The following NRG1 variants were observed in gnomAD, a reference collection of about 807,000 sequenced individuals.
The protein encoded by NRG1 is neuregulin 1, also known as pro-neuregulin-1, membrane-bound isoform.
NRG1 carries 18 observed loss-of-function variants against 63.8 expected under a neutral mutation model. That is an observed-to-expected ratio of 0.28 (90% CI 0.19 to 0.42). The LOEUF is 0.42. Among genes scored for constraint, NRG1 ranks in the 10% least tolerant of loss-of-function variants. The probability of loss-of-function intolerance (pLI) is 1.00; values close to 1 mark genes in which losing one functional copy is unlikely to be tolerated. For synonymous variants in NRG1, 302 were observed against 301.3 expected, an observed-to-expected ratio of 1.00 and a Z score of -0.02; for missense variants, 762 against 814.7, an observed-to-expected ratio of 0.94 and a Z score of 0.79.
chr8:32,173,366 G>A (rs913219829), intron 1 of NRG1, among the ~76,000 whole-genome samples: 11 of 152,174 alleles, frequency 7.2e-5, no homozygotes, highest in Admixed American at 2.0e-4. Flanking sequence ...GGAACAACCA[G>A]TACCAGCCAC....
intron 1 of NRG1, among the ~76,000 whole-genome samples, chr8:31,817,512 C>T (rs139510854): frequency 6.6e-6 from 1 of 152,098 alleles, no homozygotes; most frequent in African/African-American, 2.4e-5. Context: ...ATATGGAGAG[C>T]ATTTGCATTT....
chr8:32,144,568 A>G (rs1311166957), intron 1 of NRG1, among the ~76,000 whole-genome samples: 1 of 152,214 alleles, frequency 6.6e-6, no homozygotes, highest in Non-Finnish European at 1.5e-5. Flanking sequence ...TAATTCACCT[A>G]TCACTAGGCA....
intron 1 of NRG1, among the ~76,000 whole-genome samples, chr8:32,267,970 C>T (rs1851158632): frequency 6.6e-6 from 1 of 152,118 alleles, no homozygotes; most frequent in Non-Finnish European, 1.5e-5. Flanking sequence ...GTCAGCGGAC[C>T]TTTAACCTAG....
upstream of NRG1, among the ~76,000 whole-genome samples, chr8:32,546,797 C>T (rs1279400845): frequency 6.6e-6 from 1 of 152,162 alleles, no homozygotes; most frequent in Non-Finnish European, 1.5e-5. Context: ...TATGACAGTG[C>T]AAATTAAACT....
intron 5 of NRG1, among the ~76,000 whole-genome samples, chr8:32,674,159 T>G (rs1204902314): frequency 6.6e-6 from 1 of 152,210 alleles, no homozygotes; most frequent in Non-Finnish European, 1.5e-5. Flanking sequence ...ATCAATACAG[T>G]GCAGTTTTAT....
chr8:32,123,324 AT>A (rs1458145006), intron 1 of NRG1, among the ~76,000 whole-genome samples: 4 of 151,882 alleles, frequency 2.6e-5, no homozygotes, highest in African/African-American at 9.7e-5. Context: ...TGTTCTCATG[AT>A]AGTAAGTCTC....
chr8:32,093,093 A>G (rs1403775246), intron 1 of NRG1, among the ~76,000 whole-genome samples: 1 of 152,206 alleles, frequency 6.6e-6, no homozygotes, highest in African/African-American at 2.4e-5. Flanking sequence ...GTCTATGTAG[A>G]AAGAAGTAGA....
chr8:32,364,316 C>G lies in NRG1; in HGVS notation c.38-231512C>G, dbSNP rs1025814830. Among the ~76,000 whole-genome samples the G allele has an allele frequency of 6.6e-5, 10 of 151,890 alleles. No individual in the cohort carries two copies. The East Asian group carries it at 1.9e-3, about 29-fold the overall frequency. On this transcript the variant is annotated intron_variant, in intron 1 of 10. Coordinates refer to the NRG1 transcript ENST00000519301. Reference sequence around the variant, plus strand: ...TCTCCCTCTCCCCTTTTTCCTTGGGCACCTAGCTAGTTTTGTTTTAGTTTT... The same window carrying G: ...TCTCCCTCTCCCCTTTTTCCTTGGGGACCTAGCTAGTTTTGTTTTAGTTTT...
intron 1 of NRG1, among the ~76,000 whole-genome samples, chr8:31,818,425 C>G (rs575216227): frequency 6.6e-6 from 1 of 152,228 alleles, no homozygotes; most frequent in Non-Finnish European, 1.5e-5. Context: ...AGTCCCCAAC[C>G]TTTTTGGCAC....
intron 1 of NRG1, among the ~76,000 whole-genome samples, chr8:31,675,652 A>C (rs1807616124): frequency 6.6e-6 from 1 of 152,210 alleles, no homozygotes; most frequent in African/African-American, 2.4e-5. Flanking sequence ...ATCATTGTAC[A>C]TGAGAAACTT....
At chr8:32,163,454 AAC>A (rs1839063758) in intron 1 of NRG1, among the ~76,000 whole-genome samples, 1 of 152,272 alleles carries the variant, frequency 6.6e-6, no homozygotes, top group African/African-American at 2.4e-5. Flanking sequence ...ACCTGCAAAA[AAC>A]ACAAGCATCA....
intron 1 of NRG1, among the ~76,000 whole-genome samples, chr8:31,655,213 C>T (rs978705169): frequency 6.6e-6 from 1 of 152,152 alleles, no homozygotes; most frequent in Non-Finnish European, 1.5e-5. Flanking sequence ...ATTTGATAGG[C>T]TTTGTACTGA....
intron 1 of NRG1, among the ~76,000 whole-genome samples, chr8:31,863,842 G>C (rs1383891): frequency 0.67 from 101,368 of 152,070 alleles, 34,168 homozygotes; most frequent in East Asian, 0.92. Flanking sequence ...TATACTGGGC[G>C]CTCTCATAGC....
intron 5 of NRG1, among the ~76,000 whole-genome samples, chr8:32,621,961 T>C (rs887349135): frequency 3.9e-5 from 6 of 152,172 alleles, no homozygotes; most frequent in Non-Finnish European, 8.8e-5. Flanking sequence ...GCACCAAGTT[T>C]ATTGGGAGTA....
intron 1 of NRG1, among the ~76,000 whole-genome samples, chr8:31,865,085 G>A (rs535797327): frequency 2.6e-5 from 4 of 152,136 alleles, no homozygotes; most frequent in Non-Finnish European, 2.9e-5. Flanking sequence ...GGGCCAAAGC[G>A]TTTTCAGTTT....
At chr8:32,387,170 G>GCC (rs1265313676) in intron 1 of NRG1, among the ~76,000 whole-genome samples, 2 of 152,110 alleles carry the variant, frequency 1.3e-5, no homozygotes, top group Non-Finnish European at 2.9e-5. Context: ...TAGAGATATG[G>GCC]CCTGCAAAAT....
chr8:32,370,852 T>C, intron 1 of NRG1, among the ~76,000 whole-genome samples: 1 of 92,160 alleles, frequency 1.1e-5, no homozygotes. Context: ...AGTGAGACTC[T>C]GTCTCAAAAA....
intron 7 of NRG1, among the ~76,000 whole-genome samples, chr8:32,744,469 T>A (rs927400036): frequency 6.6e-6 from 1 of 152,080 alleles, no homozygotes; most frequent in African/African-American, 2.4e-5. Flanking sequence ...ATTTAATTTT[T>A]AAGTTAATTT....
intron 1 of NRG1, among the ~76,000 whole-genome samples, chr8:32,324,929 G>A (rs1801821597): frequency 6.6e-6 from 1 of 152,138 alleles, no homozygotes; most frequent in South Asian, 2.1e-4. Flanking sequence ...AATGTCAACT[G>A]TAAAGTGAGG....
Sources: gnomAD v4.1 joint callset for allele counts (sites outside exome capture counted in the v4.1 genomes callset) on GRCh38, gnomAD v4.1.1 for gene constraint, MANE v1.5 for transcripts, NCBI Gene and HGNC (gene_info 2026-07-23, HGNC 2026-07-21) for gene names.